FRYL: variants seen among roughly 807,000 people sequenced by gnomAD.
The protein encoded by FRYL is protein furry homolog-like.
Under a neutral mutation model 351.2 loss-of-function variants are expected in FRYL, and 150 were observed. The observed-to-expected ratio is 0.43, with a 90% CI of 0.37 to 0.49. The LOEUF (loss-of-function observed/expected upper bound fraction) is 0.49. Ranked by LOEUF, FRYL falls within the 20% of genes least tolerant of loss-of-function variation. FRYL has a pLI of 0.00. For synonymous variants in FRYL, 1,153 were observed against 1,257.1 expected (o/e 0.92, Z 1.75); for missense variants, 3,036 against 3,619.3 (o/e 0.84, Z 4.13).
chr4:48,671,151 A>G (rs754323387), intron 3 of FRYL, among the ~76,000 whole-genome samples: 7 of 152,146 alleles, frequency 4.6e-5, no homozygotes, highest in Non-Finnish European at 1.0e-4. Flanking sequence ...TTTTAACTGG[A>G]GTGAGATGAT....
intron 41 of FRYL, chr4:48,546,562 G>T: frequency 6.0e-6 from 2 of 330,666 alleles, no homozygotes; most frequent in Non-Finnish European, 5.6e-6. Flanking sequence ...CTAATATTCT[G>T]GCATATTTTG....
At chr4:48,651,565 T>C (rs1427800334) in intron 3 of FRYL, among the ~76,000 whole-genome samples, 1 of 152,090 alleles carries the variant, frequency 6.6e-6, no homozygotes, top group Non-Finnish European at 1.5e-5. Flanking sequence ...CATTTCTCAT[T>C]TGACTTCCTT....
chr4:48,651,912 G>C lies in FRYL; in HGVS notation c.-80-17422C>G, dbSNP rs139458533. On this transcript the variant is annotated intron_variant, in intron 3 of 63. Coordinates refer to ENST00000358350, the MANE Select transcript of FRYL (RefSeq NM_015030.2). The stretch of plus-strand genomic sequence containing the variant: ...CAAGGACAGAGCCCTGCTGAACACT[G>C]AGACTAGCAATTTCTTTCCAGTAAT... Among the ~76,000 whole-genome samples the C allele has an allele frequency of 8.3e-3, 1,264 of 152,310 alleles. 16 individuals carry two copies. The highest frequency in any genetic ancestry group is 0.029 in the African/African-American group (1,204 of 41,570).
At chr4:48,651,284 T>G (rs1757620419) in intron 3 of FRYL, among the ~76,000 whole-genome samples, 1 of 125,124 alleles carries the variant, frequency 8.0e-6, no homozygotes, top group African/African-American at 3.1e-5. Context: ...GATCTCAGGA[T>G]CTCACTGTGT....
At chr4:48,653,574 T>G in intron 3 of FRYL, 1 of 430,934 alleles carries the variant, frequency 2.3e-6, no homozygotes, top group South Asian at 2.2e-5. Context: ...TCTTACTGAT[T>G]ACCATTCAAG....
intron 4 of FRYL, among the ~76,000 whole-genome samples, chr4:48,629,733 C>T (rs1752593086): frequency 6.6e-6 from 1 of 151,990 alleles, no homozygotes; most frequent in Non-Finnish European, 1.5e-5. Flanking sequence ...GCTTGACCCA[C>T]AGAGAGTAAA....
chr4:48,529,040 T>C (rs1560543395), intron 50 of FRYL, among the ~76,000 whole-genome samples: 1 of 152,184 alleles, frequency 6.6e-6, no homozygotes, highest in African/African-American at 2.4e-5. Context: ...CTTCCCCCTC[T>C]CTGAACTTCA....
intron 3 of FRYL, among the ~76,000 whole-genome samples, chr4:48,679,705 GATAA>G (rs1764318027): frequency 6.6e-6 from 1 of 151,990 alleles, no homozygotes; most frequent in African/African-American, 2.4e-5. Context: ...ACAAAGAAAT[GATAA>G]ATGTCTGAGA....
chr4:48,584,193 A>G (rs1741586662), intron 19 of FRYL, among the ~76,000 whole-genome samples: 1 of 152,254 alleles, frequency 6.6e-6, no homozygotes, highest in Admixed American at 6.5e-5. Context: ...TTATGCTAGT[A>G]ATTGACTACA....
intron 2 of FRYL, among the ~76,000 whole-genome samples, chr4:48,692,997 A>G (rs1202433587): frequency 6.6e-6 from 1 of 152,198 alleles, no homozygotes; most frequent in Non-Finnish European, 1.5e-5. Context: ...CAGAATTGCT[A>G]TTTCAAATGG....
At chr4:48,541,897 C>T in intron 45 of FRYL, 130 bp downstream of exon 45, 1 of 656,650 alleles carries the variant, frequency 1.5e-6, no homozygotes, top group Non-Finnish European at 2.7e-6. Flanking sequence ...GGCCCATCTC[C>T]CCACTGGTAA....
Position 48,512,694 on chromosome 4 carries a change from AAC to A in FRYL, c.7938-8_7938-7del. On this transcript the variant is annotated splice_polypyrimidine_tract_variant and splice_region_variant and intron_variant, in intron 56 of 63. Transcript: ENST00000358350. ...CTTGCTCTTCTTCATCTTGACTATTAACACAGATATCATAAATATCATAACAC... is the reference window on the plus strand; with the variant it reads ...CTTGCTCTTCTTCATCTTGACTATTAACAGATATCATAAATATCATAACAC... 6.3e-7 allele frequency: 1 copy of A among 1,598,322 alleles called. No homozygotes were observed. Among genetic ancestry groups the A allele is most frequent in the Non-Finnish European group, 8.6e-7 (1 of 1,165,782 alleles).
chr4:48,717,492 T>C (rs1175057299), intron 1 of FRYL, among the ~76,000 whole-genome samples: 2 of 151,524 alleles, frequency 1.3e-5, no homozygotes, highest in East Asian at 1.9e-4. Flanking sequence ...TCTCAAAATC[T>C]ATTATAGTAA....
intron 3 of FRYL, among the ~76,000 whole-genome samples, chr4:48,650,992 C>A (rs1025140143): frequency 1.2e-4 from 19 of 152,126 alleles, no homozygotes; most frequent in African/African-American, 4.6e-4. Flanking sequence ...GATATCAGTA[C>A]TACCTACCAT....
At chr4:48,778,284 T>C (rs546183443) in intron 1 of FRYL, among the ~76,000 whole-genome samples, 5 of 151,464 alleles carry the variant, frequency 3.3e-5, no homozygotes, top group Non-Finnish European at 5.9e-5. Flanking sequence ...CCGAAGTTAC[T>C]AGACAATAAA....
intron 27 of FRYL, 100 bp downstream of exon 27, chr4:48,570,727 T>G: frequency 2.5e-6 from 2 of 809,442 alleles, no homozygotes; most frequent in South Asian, 3.2e-5. Flanking sequence ...GTTTTCTTGT[T>G]GCAATGGTGC....
At chr4:48,680,218 AT>A (rs1277211527) in intron 3 of FRYL, among the ~76,000 whole-genome samples, 2 of 152,016 alleles carry the variant, frequency 1.3e-5, no homozygotes, top group East Asian at 3.8e-4. Flanking sequence ...TAAATAGCAT[AT>A]TAATTTATAG....
chr4:48,777,095 C>T (rs1285154039), intron 1 of FRYL, among the ~76,000 whole-genome samples: 1 of 152,104 alleles, frequency 6.6e-6, no homozygotes, highest in Non-Finnish European at 1.5e-5. Flanking sequence ...TCTACTTTAT[C>T]TCCATAAATA....
intron 3 of FRYL, among the ~76,000 whole-genome samples, chr4:48,668,997 A>C (rs1762214642): frequency 6.6e-6 from 1 of 152,192 alleles, no homozygotes; most frequent in Non-Finnish European, 1.5e-5. Flanking sequence ...TATTCTTCTT[A>C]ACCTATTCTA....
Sources: allele counts gnomAD v4.1 joint callset (sites outside exome capture counted in the v4.1 genomes callset), GRCh38; gene constraint gnomAD v4.1.1; transcripts MANE v1.5; gene names NCBI Gene and HGNC (gene_info 2026-07-23, HGNC 2026-07-21).